Variants in GRIK2 observed in about 807,000 individuals in gnomAD.
GRIK2 encodes glutamate receptor ionotropic, kainate 2.
In GRIK2, 32 loss-of-function variants were observed where a neutral mutation model predicts 100.3. The ratio of observed to expected loss-of-function variants is 0.32; its 90% CI spans 0.24 to 0.43. The LOEUF (loss-of-function observed/expected upper bound fraction) is 0.43. Ranked by LOEUF, GRIK2 falls within the 20% of genes least tolerant of loss-of-function variation. The pLI, the probability that GRIK2 is intolerant of heterozygous loss-of-function variation, is 1.00. For synonymous variants in GRIK2, 417 were observed against 389.4 expected (o/e 1.07, Z -0.83); for missense variants, 843 against 1,114.9 (o/e 0.76, Z 3.47).
intron 2 of GRIK2, among the ~76,000 whole-genome samples, chr6:101,474,127 A>C (rs1341199802): frequency 6.6e-6 from 1 of 151,894 alleles, no homozygotes; most frequent in Non-Finnish European, 1.5e-5. Flanking sequence ...AAGCAGTAGC[A>C]AAACTCTCTT....
chr6:101,916,653 AC>A (rs1215248373), intron 12 of GRIK2, among the ~76,000 whole-genome samples: 1 of 151,590 alleles, frequency 6.6e-6, no homozygotes, highest in Non-Finnish European at 1.5e-5. Context: ...CCTGACTCAA[AC>A]CTTCTGTGCA....
intron 14 of GRIK2, among the ~76,000 whole-genome samples, chr6:101,970,683 TCCC>T (rs1792990363): frequency 2.8e-5 from 4 of 144,220 alleles, no homozygotes; most frequent in African/African-American, 1.2e-4. Flanking sequence ...TCATGCCCCA[TCCC>T]AATATTTACA....
At chr6:101,737,668 A>G (rs1192175879) in intron 7 of GRIK2, among the ~76,000 whole-genome samples, 1 of 152,180 alleles carries the variant, frequency 6.6e-6, no homozygotes, top group Non-Finnish European at 1.5e-5. Context: ...ACAATATCAC[A>G]TGGTATCATG....
intron 4 of GRIK2, among the ~76,000 whole-genome samples, chr6:101,664,667 T>A (rs563034148): frequency 6.6e-6 from 1 of 152,196 alleles, no homozygotes; most frequent in African/African-American, 2.4e-5. Context: ...ATTGACTTTA[T>A]AAGTCATAAT....
intron 2 of GRIK2, among the ~76,000 whole-genome samples, chr6:101,515,281 A>G (rs1035263944): frequency 2.0e-5 from 3 of 152,080 alleles, no homozygotes; most frequent in Non-Finnish European, 2.9e-5. Context: ...ACACACACAC[A>G]TACACACACC....
At chr6:101,441,954 T>C (rs964330988) in intron 2 of GRIK2, among the ~76,000 whole-genome samples, 2 of 141,138 alleles carry the variant, frequency 1.4e-5, no homozygotes, top group African/African-American at 5.1e-5. Context: ...ACTTGTCTTT[T>C]GGGAGATACA....
chr6:101,918,372 A>G (rs925090951), intron 12 of GRIK2, among the ~76,000 whole-genome samples: 6 of 151,708 alleles, frequency 4.0e-5, no homozygotes, highest in African/African-American at 1.4e-4. Flanking sequence ...ATTAGTTGTA[A>G]TGTAGTTTGC....
intron 14 of GRIK2, among the ~76,000 whole-genome samples, chr6:102,007,874 A>C (rs1246792419): frequency 1.3e-5 from 2 of 152,050 alleles, no homozygotes; most frequent in Admixed American, 1.3e-4. Context: ...ATCCTTCCTA[A>C]ATGTAGGAAA....
intron 12 of GRIK2, among the ~76,000 whole-genome samples, chr6:101,902,980 C>A (rs1475923): frequency 0.86 from 130,866 of 151,750 alleles, 57,328 homozygotes; most frequent in East Asian, 0.94. Context: ...TATCAAGGAA[C>A]CTAACACCTC....
intron 7 of GRIK2, chr6:101,744,556 A>ACACACATATATATATATATACG (rs1562351826): frequency 2.6e-5 from 3 of 113,602 alleles, no homozygotes; most frequent in South Asian, 3.1e-4. Context: ...ATATATATAT[A>ACACACATATATATATATATACG]TATCACAATT....
intron 9 of GRIK2, among the ~76,000 whole-genome samples, chr6:101,810,320 C>T (rs1781250347): frequency 6.6e-6 from 1 of 151,882 alleles, no homozygotes; most frequent in African/African-American, 2.4e-5. Context: ...TTGCCCTAAA[C>T]TAAAATAAAA....
At chr6:102,018,387 C>T (rs1769238213) in intron 14 of GRIK2, among the ~76,000 whole-genome samples, 1 of 152,040 alleles carries the variant, frequency 6.6e-6, no homozygotes, top group African/African-American at 2.4e-5. Context: ...GATATAACAC[C>T]AGCAATTTAG....
chr6:101,873,286 C>T (rs1346607283), intron 11 of GRIK2, among the ~76,000 whole-genome samples: 1 of 138,428 alleles, frequency 7.2e-6, no homozygotes, highest in Non-Finnish European at 1.5e-5. Flanking sequence ...TGATGTTCCC[C>T]TTCCTGTGTC....
chr6:101,753,317 C>T (rs1000235988), intron 7 of GRIK2, among the ~76,000 whole-genome samples: 4 of 150,550 alleles, frequency 2.7e-5, no homozygotes, highest in Non-Finnish European at 5.9e-5. Flanking sequence ...ATAACACGAT[C>T]ACCATGTCCA....
chr6:102,024,568 T>G (rs548028390), intron 14 of GRIK2, among the ~76,000 whole-genome samples: 1 of 151,202 alleles, frequency 6.6e-6, no homozygotes, highest in East Asian at 2.0e-4. Context: ...AAGAACAGGG[T>G]TTTGTACCTT....
intron 7 of GRIK2, among the ~76,000 whole-genome samples, chr6:101,727,092 T>C (rs542592037): frequency 1.5e-4 from 23 of 152,200 alleles, no homozygotes; most frequent in African/African-American, 5.3e-4. Context: ...TGGTAAAATG[T>C]AAACATTATT....
Position 102,068,771 on chromosome 6 carries a change from C to T in GRIK2, c.*260C>T, listed in dbSNP as rs1029617468. 5.4e-5 allele frequency: 15 copies of T among 275,370 alleles called. No homozygotes were observed. The highest frequency in any genetic ancestry group is 9.6e-5 in the Non-Finnish European group (14 of 146,030). 17.1% of individuals were successfully genotyped at this position (275,370 alleles called of 1,614,324 possible). ...CTTCTTCTGAGTGAATGTTAACATG[C>T]GCATTTTGTGGCTGATTTCAAATGC... is the stretch of plus-strand genomic sequence containing the variant. On this transcript the variant is annotated 3_prime_UTR_variant, in exon 17 of 17. Transcript: ENST00000369134.
intron 14 of GRIK2, among the ~76,000 whole-genome samples, chr6:102,014,621 C>T (rs1001715850): frequency 7.2e-5 from 11 of 152,088 alleles, no homozygotes; most frequent in African/African-American, 2.2e-4. Flanking sequence ...CCCAGAAATT[C>T]TGGCATGTTA....
At chr6:101,724,994 T>A (rs1227582261) in intron 7 of GRIK2, among the ~76,000 whole-genome samples, 8 of 152,082 alleles carry the variant, frequency 5.3e-5, no homozygotes, top group Admixed American at 5.2e-4. Context: ...TAAGTTAGTG[T>A]GTCTGCTATG....
Sources: gnomAD v4.1 joint callset for allele counts (sites outside exome capture counted in the v4.1 genomes callset) on GRCh38, gnomAD v4.1.1 for gene constraint, MANE v1.5 for transcripts, NCBI Gene and HGNC (gene_info 2026-07-23, HGNC 2026-07-21) for gene names.